Variants in PPP6R2 observed in about 807,000 individuals in gnomAD.
The protein encoded by PPP6R2 is protein phosphatase 6 regulatory subunit 2, also known as serine/threonine-protein phosphatase 6 regulatory subunit 2.
Under a neutral mutation model 100.2 loss-of-function variants are expected in PPP6R2, and 62 were observed. The observed-to-expected ratio is 0.62, with a 90% CI of 0.50 to 0.76. The LOEUF (loss-of-function observed/expected upper bound fraction) is 0.76. Among genes scored for constraint, PPP6R2 ranks in the 30% least tolerant of loss-of-function variants. PPP6R2 has a pLI of 0.00. For missense variants in PPP6R2, 1,142 were observed against 1,276.3 expected (o/e 0.89, Z 1.60); for synonymous variants, 525 against 514.7 (o/e 1.02, Z -0.27).
At chr22:50,351,662 C>T (rs2045295962) in intron 1 of PPP6R2, among the ~76,000 whole-genome samples, 1 of 152,008 alleles carries the variant, frequency 6.6e-6, no homozygotes, top group South Asian at 2.1e-4. Context: ...GAAATGGAGT[C>T]TCCCTCTGTC....
chr22:50,438,282 G>T lies in PPP6R2; in HGVS notation c.1948G>T (p.Val650Leu), dbSNP rs1322721486. ...CAGTGACACTCGCTGTGCTGCCCGG[G>T]TGATGGCCAGACCCAGGTGCGGGGC... ...EDSDTRCAARVMARPRFGAPH... is the reference protein window; with the variant it reads ...EDSDTRCAARLMARPRFGAPH... Residue 650 changes from valine (V) to leucine (L), a missense_variant, in exon 18 of 24, where the codon GTG (valine) becomes TTG (leucine). By Grantham distance (32) the Val-to-Leu change is conservative. This residue lies in a region of PPP6R2 where 550 missense variants were observed against 517.4 expected (regional missense o/e 1.06). Coordinates refer to ENST00000612753, the MANE Select transcript of PPP6R2 (RefSeq NM_001242898.2). 1.2e-6 allele frequency: 2 copies of T among 1,612,940 alleles called. No homozygotes were observed. Among genetic ancestry groups the T allele is most frequent in the East Asian group, 2.2e-5 (1 of 44,890 alleles).
At position 50,349,325 on chromosome 22, in the gene PPP6R2, T is replaced by C. The variant is rs146068733; in HGVS notation, c.-148+5775T>C. Among the ~76,000 whole-genome samples, 452 of 147,058 alleles carry C rather than the reference T, an allele frequency of 3.1e-3. 1 individual carries two copies. Among genetic ancestry groups the C allele is most frequent in the African/African-American group, 0.011 (430 of 39,252 alleles). On this transcript the variant is annotated intron_variant, in intron 1 of 23. Transcript: ENST00000612753. Reference sequence around the variant, plus strand: ...GCTGCAGTGAGCTGTGATCACTCCATTGCACTCCAGCCTGGGCGACAGCGT... The same window carrying C: ...GCTGCAGTGAGCTGTGATCACTCCACTGCACTCCAGCCTGGGCGACAGCGT...
At chr22:50,342,113 A>T (rs954004887), upstream of PPP6R2, among the ~76,000 whole-genome samples, 3 of 152,138 alleles carry the variant, frequency 2.0e-5, no homozygotes, top group African/African-American at 7.2e-5. Context: ...CATCTCCTGC[A>T]TCTGGTGCCC....
At chr22:50,348,697 AGAG>A (rs918225810) in intron 1 of PPP6R2, among the ~76,000 whole-genome samples, 8 of 152,154 alleles carry the variant, frequency 5.3e-5, no homozygotes, top group African/African-American at 1.9e-4. Flanking sequence ...TCTGGAACCC[AGAG>A]GAGAGGCCAA....
intron 10 of PPP6R2, among the ~76,000 whole-genome samples, chr22:50,427,728 TTTTG>T (rs1196691167): frequency 2.1e-5 from 3 of 143,608 alleles, no homozygotes; most frequent in Non-Finnish European, 4.7e-5. Flanking sequence ...TTTTGTTTTG[TTTTG>T]TTTTTTTTGA....
chr22:50,387,206 C>G (rs2148765393), intron 2 of PPP6R2, among the ~76,000 whole-genome samples: 1 of 152,144 alleles, frequency 6.6e-6, no homozygotes, highest in South Asian at 2.1e-4. Flanking sequence ...AGATGATAGT[C>G]CCACACCACC....
At chr22:50,397,024 G>A (rs2057037602) in intron 3 of PPP6R2, among the ~76,000 whole-genome samples, 1 of 152,172 alleles carries the variant, frequency 6.6e-6, no homozygotes, top group Non-Finnish European at 1.5e-5. Context: ...AGAGTGGGGA[G>A]GGGTCTTCTG....
At chr22:50,339,298 A>G (rs1218788147), upstream of PPP6R2, among the ~76,000 whole-genome samples, 397 of 48,826 alleles carry the variant, frequency 8.1e-3, no homozygotes, top group South Asian at 0.014. Context: ...TGTGTGTGGT[A>G]TGTGGTGTGT....
chr22:50,346,487 A>G (rs1452581914), intron 1 of PPP6R2, among the ~76,000 whole-genome samples: 4 of 69,594 alleles, frequency 5.7e-5, no homozygotes, highest in Non-Finnish European at 1.1e-4. Flanking sequence ...CCCTCCAGTC[A>G]GTTCCCTCCC....
At position 50,350,111 on chromosome 22, in the gene PPP6R2, C is replaced by T. The variant is rs2044701374; in HGVS notation, c.-148+6561C>T. On this transcript the variant is annotated intron_variant, in intron 1 of 23. Coordinates refer to ENST00000612753, the MANE Select transcript of PPP6R2 (RefSeq NM_001242898.2). ...CCAGCCTAGGCAACAGAGCAAGACTCTGTCTCAAAAAGAAAAAAAAAGAAA... is the reference window on the plus strand; with the variant it reads ...CCAGCCTAGGCAACAGAGCAAGACTTTGTCTCAAAAAGAAAAAAAAAGAAA... Among the ~76,000 whole-genome samples, 3 of 152,142 alleles carry T rather than the reference C, an allele frequency of 2.0e-5. 1 individual carries two copies. The highest frequency in any genetic ancestry group is 2.0e-4 in the Admixed American group (3 of 15,276).
intron 1 of PPP6R2, among the ~76,000 whole-genome samples, chr22:50,355,475 C>T (rs543699126): frequency 5.3e-5 from 8 of 151,094 alleles, no homozygotes; most frequent in South Asian, 4.2e-4. Flanking sequence ...ATCGGCCGCC[C>T]GCCTTGGCCT....
chr22:50,411,418 C>A (rs1044320452), intron 4 of PPP6R2, among the ~76,000 whole-genome samples: 1 of 151,828 alleles, frequency 6.6e-6, no homozygotes, highest in African/African-American at 2.4e-5. Context: ...TGGGCCACTG[C>A]ACTCCAGCCT....
At chr22:50,335,088 G>C in the PPP6R2 span, among the ~76,000 whole-genome samples, 1 of 151,886 alleles carries the variant, frequency 6.6e-6, no homozygotes, top group Non-Finnish European at 1.5e-5. Context: ...GTCTCGCTCT[G>C]TCGCCCAGGC....
intron 3 of PPP6R2, among the ~76,000 whole-genome samples, chr22:50,405,323 GA>G (rs2058679505): frequency 1.4e-5 from 2 of 139,952 alleles, no homozygotes; most frequent in Non-Finnish European, 3.1e-5. Flanking sequence ...GGAGAGAGGT[GA>G]GAGGCCTGGC....
chr22:50,415,993 T>G, intron 5 of PPP6R2, 99 bp from the exon 6 acceptor site: 4 of 1,081,428 alleles, frequency 3.7e-6, no homozygotes, highest in Non-Finnish European at 5.7e-6. Flanking sequence ...AGAGTCTATA[T>G]TCTAGAAAAC....
intron 2 of PPP6R2, among the ~76,000 whole-genome samples, chr22:50,375,393 C>T (rs2051259823): frequency 6.6e-6 from 1 of 152,130 alleles, no homozygotes; most frequent in African/African-American, 2.4e-5. Flanking sequence ...GTCCTGAGGG[C>T]ATTTGCTCAT....
chr22:50,374,976 A>G (rs1208722130), intron 2 of PPP6R2, among the ~76,000 whole-genome samples: 1 of 152,018 alleles, frequency 6.6e-6, no homozygotes, highest in Non-Finnish European at 1.5e-5. Context: ...CTGAAATCGT[A>G]TAGCACCAAA....
chr22:50,393,805 A>G (rs2056152124), intron 2 of PPP6R2, 88 bp from the exon 3 acceptor site: 24 of 1,568,486 alleles, frequency 1.5e-5, no homozygotes, highest in Non-Finnish European at 2.1e-5. Flanking sequence ...CAGAGGTGAG[A>G]GAAATGACCC....
rs1371832614 is a variant in PPP6R2, at chr22:50,431,404, C to T, written c.1335+22C>T. ...CCACGTGAGTCCAAGAAGCATCCAT[C>T]TTATCAGCGCCAACTGCGCCCCACT... On this transcript the variant is annotated intron_variant, in intron 11 of 23. Transcript: ENST00000612753. This position sits in a 1 kb window ranked among gnomAD's most constrained non-coding sequence, Gnocchi z 4.8. 2 of 1,602,432 alleles carry T rather than the reference C, an allele frequency of 1.2e-6. No homozygotes were observed. Among genetic ancestry groups the T allele is most frequent in the Non-Finnish European group, 8.5e-7 (1 of 1,174,406 alleles).
Sources: allele counts gnomAD v4.1 joint callset (sites outside exome capture counted in the v4.1 genomes callset), GRCh38; gene constraint gnomAD v4.1.1; regional missense constraint gnomAD v4.1.1; non-coding constraint Gnocchi (gnomAD v3.1); transcripts MANE v1.5; gene names NCBI Gene and HGNC (gene_info 2026-07-23, HGNC 2026-07-21).